The following STT3B variants were observed in gnomAD, a reference collection of about 807,000 sequenced individuals.
The protein encoded by STT3B is STT3 oligosaccharyltransferase complex catalytic subunit B.
STT3B carries 29 observed loss-of-function variants against 96.8 expected under a neutral mutation model. The ratio of observed to expected loss-of-function variants is 0.30; its 90% CI spans 0.22 to 0.41. The LOEUF is 0.41. Ranked by LOEUF, STT3B falls within the 10% of genes least tolerant of loss-of-function variation. STT3B has a pLI of 1.00. For synonymous variants in STT3B, 367 were observed against 360.0 expected (o/e 1.02, Z -0.22); for missense variants, 640 against 1,022.3 (o/e 0.63, Z 5.10).
intron 5 of STT3B, among the ~76,000 whole-genome samples, chr3:31,611,649 A>G (rs1328932770): frequency 6.6e-6 from 1 of 152,102 alleles, no homozygotes; most frequent in Non-Finnish European, 1.5e-5. Flanking sequence ...GGCACGCGCC[A>G]CCACACCCAG....
At chr3:31,611,086 C>CT (rs1471767472) in intron 5 of STT3B, among the ~76,000 whole-genome samples, 1 of 152,082 alleles carries the variant, frequency 6.6e-6, no homozygotes, top group Non-Finnish European at 1.5e-5. Context: ...AGTTAGGGTT[C>CT]TTAAAGAGTT....
intron 2 of STT3B, among the ~76,000 whole-genome samples, chr3:31,576,728 A>T (rs1698273408): frequency 6.6e-6 from 1 of 152,022 alleles, no homozygotes; most frequent in Admixed American, 6.6e-5. Context: ...ACTCTTTTTG[A>T]CAAGTGGTGG....
In STT3B at chr3:31,580,058, A is replaced by G. The variant is rs1413445396; in HGVS notation, c.673A>G (p.Ile225Val). 18 of 1,613,408 alleles carry G rather than the reference A, an allele frequency of 1.1e-5. No homozygotes were observed. The Admixed American group carries it at 3.0e-4, about 27-fold the overall frequency. The change falls in exon 3 of 16, where the codon ATT becomes GTT. Residue 225 changes from isoleucine to valine, a missense_variant. Around this residue, in one of 8 missense-constraint regions of STT3B, gnomAD observed 267 missense variants for 388.3 expected, o/e 0.69. Transcript: ENST00000295770. ...AGCTGGATCCTTTGATAATGAAGGC[A>G]TTGCTATTTTTGCACTTCAGTTCAC... ...SVAGSFDNEGIAIFALQFTYY... is the reference protein window; with the variant it reads ...SVAGSFDNEGVAIFALQFTYY...
At chr3:31,541,045 A>T (rs1452069302) in intron 1 of STT3B, among the ~76,000 whole-genome samples, 3 of 152,214 alleles carry the variant, frequency 2.0e-5, no homozygotes, top group Admixed American at 2.0e-4. Context: ...GGAGTACAGA[A>T]CTATGGGAGG....
chr3:31,632,865 C>T (rs1352295788), intron 14 of STT3B, 70 bp from the exon 15 acceptor site: 2 of 1,311,964 alleles, frequency 1.5e-6, no homozygotes, highest in Admixed American at 1.9e-5. Context: ...GTAATGATAA[C>T]ACTTACTGTC....
chr3:31,552,592 C>A (rs1208293228), intron 1 of STT3B, among the ~76,000 whole-genome samples: 4 of 152,072 alleles, frequency 2.6e-5, no homozygotes, highest in East Asian at 3.9e-4. Flanking sequence ...ATGAAAACTA[C>A]CTATGTGTAT....
intron 14 of STT3B, among the ~76,000 whole-genome samples, chr3:31,631,028 C>T (rs917451724): frequency 3.3e-5 from 5 of 152,176 alleles, no homozygotes; most frequent in East Asian, 1.9e-4. Flanking sequence ...GATCTGACCT[C>T]GTGATCCCCC....
intron 14 of STT3B, among the ~76,000 whole-genome samples, chr3:31,631,018 G>C (rs190890068): frequency 6.6e-6 from 1 of 152,212 alleles, no homozygotes; most frequent in African/African-American, 2.4e-5. Context: ...GGATGGTCTC[G>C]ATCTGACCTC....
intron 1 of STT3B, among the ~76,000 whole-genome samples, chr3:31,555,785 A>G (rs559047137): frequency 1.3e-5 from 2 of 152,256 alleles, no homozygotes; most frequent in African/African-American, 4.8e-5. Flanking sequence ...ATAATATTTT[A>G]CATATTTAAT....
In STT3B at chr3:31,594,084, A is replaced by G. The variant is rs143683322; in HGVS notation, c.712-2714A>G. On this transcript the variant is annotated intron_variant, in intron 3 of 15. Coordinates refer to ENST00000295770, the MANE Select transcript of STT3B (RefSeq NM_178862.3). Reference sequence around the variant, plus strand: ...CTACTGGACTCCTTAATATGTGTAAATGAAGACCAAATGGTGAGCATGACT... The same window carrying G: ...CTACTGGACTCCTTAATATGTGTAAGTGAAGACCAAATGGTGAGCATGACT... 5.9e-4 allele frequency among the ~76,000 whole-genome samples: 90 copies of G among 152,338 alleles called. 1 individual carries two copies. In the East Asian group the frequency reaches 0.016, roughly 27 times the overall value.
chr3:31,547,508 T>C (rs1697445310), intron 1 of STT3B, among the ~76,000 whole-genome samples: 2 of 152,084 alleles, frequency 1.3e-5, no homozygotes, highest in Admixed American at 1.3e-4. Flanking sequence ...CAGCCGGGCA[T>C]GGTGGTGCAT....
intron 1 of STT3B, among the ~76,000 whole-genome samples, chr3:31,567,865 A>G (rs1183931353): frequency 6.6e-6 from 1 of 152,092 alleles, no homozygotes; most frequent in Non-Finnish European, 1.5e-5. Context: ...TTCAATTCCA[A>G]TCTTTTAGTT....
intron 5 of STT3B, among the ~76,000 whole-genome samples, chr3:31,607,580 C>T (rs1699081360): frequency 1.3e-5 from 2 of 152,168 alleles, no homozygotes; most frequent in South Asian, 4.1e-4. Context: ...GAGCATTAAA[C>T]CTCTTTTTCT....
chr3:31,587,751 A>G (rs1698575111), intron 3 of STT3B, among the ~76,000 whole-genome samples: 2 of 152,188 alleles, frequency 1.3e-5, no homozygotes, highest in Admixed American at 6.5e-5. Flanking sequence ...CATTTTAAAC[A>G]TTTATAAACA....
At chr3:31,551,068 A>G (rs1159391492) in intron 1 of STT3B, among the ~76,000 whole-genome samples, 1 of 152,194 alleles carries the variant, frequency 6.6e-6, no homozygotes, top group African/African-American at 2.4e-5. Flanking sequence ...CTAATAGGGT[A>G]AAGGAGAAAG....
intron 12 of STT3B, 71 bp downstream of exon 12, chr3:31,625,156 T>A: frequency 7.3e-7 from 1 of 1,376,588 alleles, no homozygotes; most frequent in Non-Finnish European, 9.9e-7. Flanking sequence ...CACTTGTGAC[T>A]AAATAGGAAA....
intron 1 of STT3B, among the ~76,000 whole-genome samples, chr3:31,553,538 A>G (rs1386298180): frequency 1.3e-5 from 2 of 152,218 alleles, no homozygotes; most frequent in Non-Finnish European, 2.9e-5. Context: ...TATTCCATTT[A>G]TCTGAAATCC....
chr3:31,618,745 A>T (rs1315755335), intron 8 of STT3B, among the ~76,000 whole-genome samples: 1 of 152,090 alleles, frequency 6.6e-6, no homozygotes, highest in Admixed American at 6.5e-5. Context: ...GACTGGAACT[A>T]ACAATTAGAC....
chr3:31,618,069 C>A, intron 8 of STT3B, 81 bp downstream of exon 8: 1 of 997,362 alleles, frequency 1.0e-6, no homozygotes, highest in Non-Finnish European at 1.6e-6. Flanking sequence ...GTCAGTGTTT[C>A]ACTCAGTTCT....
Sources: gnomAD v4.1 joint callset for allele counts (sites outside exome capture counted in the v4.1 genomes callset) on GRCh38, gnomAD v4.1.1 for gene constraint, gnomAD v4.1.1 regional missense constraint, MANE v1.5 for transcripts, NCBI Gene and HGNC (gene_info 2026-07-23, HGNC 2026-07-21) for gene names.